Variants in STIM2 observed in about 807,000 individuals in gnomAD.
STIM2 encodes stromal interaction molecule 2.
In STIM2, 31 loss-of-function variants were observed where a neutral mutation model predicts 85.8. The ratio of observed to expected loss-of-function variants is 0.36; its 90% CI spans 0.27 to 0.49. The LOEUF is 0.49. Ranked by LOEUF, STIM2 falls within the 20% of genes least tolerant of loss-of-function variation. The pLI is 0.98. For synonymous variants in STIM2, 356 were observed against 331.1 expected (o/e 1.08, Z -0.82); for missense variants, 841 against 927.6 (o/e 0.91, Z 1.21).
chr4:26,929,096 A>G (rs527559454), intron 2 of STIM2, among the ~76,000 whole-genome samples: 14 of 152,332 alleles, frequency 9.2e-5, no homozygotes, highest in African/African-American at 3.4e-4. Context: ...TTATATGAGA[A>G]GAATAATATT....
chr4:26,982,526 A>G (rs1727439510), intron 3 of STIM2, among the ~76,000 whole-genome samples: 2 of 151,988 alleles, frequency 1.3e-5, no homozygotes, highest in African/African-American at 4.8e-5. Flanking sequence ...ATTCTTTTAT[A>G]TATCCTTCTA....
At chr4:26,968,367 C>T (rs562336388) in intron 3 of STIM2, among the ~76,000 whole-genome samples, 10 of 152,046 alleles carry the variant, frequency 6.6e-5, no homozygotes, top group Admixed American at 3.3e-4. Flanking sequence ...TTCTGACATA[C>T]GCACAACATG....
intron 1 of STIM2, among the ~76,000 whole-genome samples, chr4:26,899,386 C>T (rs1424889390): frequency 2.0e-5 from 3 of 152,034 alleles, no homozygotes; most frequent in Admixed American, 1.3e-4. Context: ...TTATAATTTT[C>T]GTGTCTAGTA....
chr4:26,977,887 C>A (rs1180944531), intron 3 of STIM2, among the ~76,000 whole-genome samples: 1 of 151,968 alleles, frequency 6.6e-6, no homozygotes, highest in African/African-American at 2.4e-5. Context: ...AAGAAATGGC[C>A]GGTGAGATAG....
At chr4:26,922,562 A>G (rs1209982032) in intron 2 of STIM2, among the ~76,000 whole-genome samples, 1 of 152,156 alleles carries the variant, frequency 6.6e-6, no homozygotes, top group East Asian at 1.9e-4. Flanking sequence ...AGGGCAAGGT[A>G]TGGGGGCGGT....
chr4:27,018,509 GATA>G (rs1431114101), intron 11 of STIM2, among the ~76,000 whole-genome samples: 9 of 152,166 alleles, frequency 5.9e-5, no homozygotes, highest in Non-Finnish European at 1.2e-4. Context: ...GGCTCCCCTG[GATA>G]ATAATAATCT....
intron 11 of STIM2, chr4:27,021,057 CA>C (rs753021176): frequency 0.021 from 20,964 of 1,010,160 alleles, 5 homozygotes; most frequent in South Asian, 0.041. Context: ...GTAAAGCTCT[CA>C]AAAAAAAAAA....
chr4:26,862,302 T>G (rs565809362), intron 1 of STIM2, among the ~76,000 whole-genome samples: 1 of 144,092 alleles, frequency 6.9e-6, no homozygotes, highest in Admixed American at 7.3e-5. Flanking sequence ...GGAAAAGTAA[T>G]GGAGCTAAAA....
At chr4:26,933,720 C>T (rs529691205) in intron 2 of STIM2, among the ~76,000 whole-genome samples, 3 of 110,218 alleles carry the variant, frequency 2.7e-5, no homozygotes, top group South Asian at 2.7e-4. Context: ...GGCAGTATAA[C>T]GAGACCTGAT....
chr4:26,880,631 A>G (rs990082238), intron 1 of STIM2, among the ~76,000 whole-genome samples: 10 of 145,976 alleles, frequency 6.9e-5, no homozygotes, highest in Non-Finnish European at 1.2e-4. Context: ...AAATATATAT[A>G]TAAATATATA....
chr4:26,910,100 G>A (rs1724278904), intron 1 of STIM2, among the ~76,000 whole-genome samples: 1 of 152,142 alleles, frequency 6.6e-6, no homozygotes, highest in Non-Finnish European at 1.5e-5. Flanking sequence ...CAAGAAATTT[G>A]CATGCACCTG....
At chr4:26,936,580 A>T (rs1430091206) in intron 2 of STIM2, among the ~76,000 whole-genome samples, 5 of 152,338 alleles carry the variant, frequency 3.3e-5, no homozygotes, top group South Asian at 4.1e-4. Context: ...AGTTATATAC[A>T]GATTAAATAG....
chr4:26,971,999 G>T (rs1350323769), intron 3 of STIM2, among the ~76,000 whole-genome samples: 1 of 152,098 alleles, frequency 6.6e-6, no homozygotes, highest in East Asian at 1.9e-4. Flanking sequence ...TCTCTTTGAA[G>T]CAGTTGTGAA....
At chr4:26,892,476 C>T (rs1723530706) in intron 1 of STIM2, among the ~76,000 whole-genome samples, 1 of 152,150 alleles carries the variant, frequency 6.6e-6, no homozygotes, top group East Asian at 1.9e-4. Flanking sequence ...TCCCAAAGGT[C>T]TCAATTCCTA....
intron 2 of STIM2, among the ~76,000 whole-genome samples, chr4:26,941,327 A>G (rs1220694685): frequency 6.6e-6 from 1 of 152,124 alleles, no homozygotes; most frequent in Non-Finnish European, 1.5e-5. Flanking sequence ...TCCAAGCCAA[A>G]GTAATCTCTT....
At chr4:26,864,080 C>A (rs2109421584) in intron 1 of STIM2, among the ~76,000 whole-genome samples, 1 of 152,104 alleles carries the variant, frequency 6.6e-6, no homozygotes, top group Non-Finnish European at 1.5e-5. Context: ...TGTTATTGCT[C>A]AAAACTATAC....
intron 3 of STIM2, among the ~76,000 whole-genome samples, chr4:26,980,909 GCTTTA>G (rs1364866988): frequency 6.6e-6 from 1 of 152,090 alleles, no homozygotes; most frequent in Non-Finnish European, 1.5e-5. Context: ...CATATTAGAA[GCTTTA>G]CTTCTAATAT....
chr4:26,923,591 A>G (rs1724896494), intron 2 of STIM2, among the ~76,000 whole-genome samples: 2 of 134,408 alleles, frequency 1.5e-5, no homozygotes, highest in East Asian at 4.4e-4. Context: ...TGTAAAGACC[A>G]TCGAGACTAG....
intron 11 of STIM2, chr4:27,021,237 ATTTC>A (rs1416494060): frequency 1.7e-6 from 1 of 582,604 alleles, no homozygotes; most frequent in Non-Finnish European, 3.0e-6. Flanking sequence ...GTCCTTATTT[ATTTC>A]TTTTTTTCTG....
Sources: gnomAD v4.1 joint callset for allele counts (sites outside exome capture counted in the v4.1 genomes callset) on GRCh38, gnomAD v4.1.1 for gene constraint, MANE v1.5 for transcripts, NCBI Gene and HGNC (gene_info 2026-07-23, HGNC 2026-07-21) for gene names.